NFYC: variants seen among roughly 807,000 people sequenced by gnomAD.
NFYC encodes nuclear transcription factor Y subunit gamma, also known as CAAT box DNA-binding protein subunit C.
A neutral mutation model predicts 53.1 loss-of-function variants in NFYC; 25 were observed. That is an observed-to-expected ratio of 0.47 (90% CI 0.34 to 0.66). The LOEUF (loss-of-function observed/expected upper bound fraction) is 0.66. NFYC is among the 30% of genes least tolerant of loss of function. The pLI is 0.01. For synonymous variants in NFYC, 145 were observed against 152.6 expected, an observed-to-expected ratio of 0.95 and a Z score of 0.37; for missense variants, 260 against 422.7, an observed-to-expected ratio of 0.62 and a Z score of 3.38.
At chr1:40,761,805 G>C (rs1200360411) in intron 6 of NFYC, among the ~76,000 whole-genome samples, 1 of 152,172 alleles carries the variant, frequency 6.6e-6, no homozygotes, top group African/African-American at 2.4e-5. Flanking sequence ...GATTCATTGA[G>C]AGTTCCATAG....
At chr1:40,732,078 G>T (rs1424038679) in intron 1 of NFYC, among the ~76,000 whole-genome samples, 1 of 152,320 alleles carries the variant, frequency 6.6e-6, no homozygotes, top group East Asian at 1.9e-4. Flanking sequence ...TCATTTTAGC[G>T]GAGCTTCCTG....
At chr1:40,758,349 G>T in intron 6 of NFYC, 55 bp downstream of exon 6, 1 of 1,525,578 alleles carries the variant, frequency 6.6e-7, no homozygotes, top group Non-Finnish European at 8.8e-7. Flanking sequence ...TTAGGTTTTT[G>T]GATGGGCAGA....
At chr1:40,711,985 A>G (rs372297072) in intron 1 of NFYC, among the ~76,000 whole-genome samples, 4 of 152,210 alleles carry the variant, frequency 2.6e-5, no homozygotes, top group African/African-American at 9.7e-5. Flanking sequence ...ACATGTAAAA[A>G]TGGAACCTAA....
At chr1:40,716,190 C>G (rs1644129446) in intron 1 of NFYC, among the ~76,000 whole-genome samples, 1 of 152,172 alleles carries the variant, frequency 6.6e-6, no homozygotes, top group Non-Finnish European at 1.5e-5. Flanking sequence ...AAATTTTACT[C>G]TGAGACTGAT....
At chr1:40,738,981 T>G (rs1425959810) in intron 2 of NFYC, 33 bp downstream of exon 2, 1 of 1,470,252 alleles carries the variant, frequency 6.8e-7, no homozygotes, top group Non-Finnish European at 9.5e-7. Flanking sequence ...TATTAGAAAC[T>G]TTTAAAGAGT....
intron 8 of NFYC, among the ~76,000 whole-genome samples, chr1:40,768,140 T>A (rs1646912098): frequency 6.6e-6 from 1 of 152,194 alleles, no homozygotes; most frequent in Admixed American, 6.5e-5. Flanking sequence ...TCAGTAAATG[T>A]TTGTTGAATG....
rs575158987 is a variant in NFYC, at chr1:40,728,852, G to T, written c.-8-9984G>T. On this transcript the variant is annotated intron_variant, in intron 1 of 9. Transcript: ENST00000447388. The stretch of plus-strand genomic sequence containing the variant: ...TGGGTTTCACTATGTTGGCCAGGCT[G>T]GTCTCGAACTCCTGACCTCAGGTTA... 1.8e-3 allele frequency among the ~76,000 whole-genome samples: 273 copies of T among 152,178 alleles called. 1 individual carries two copies. Among genetic ancestry groups the T allele is most frequent in the African/African-American group, 6.3e-3 (262 of 41,550 alleles).
At chr1:40,699,688 C>G (rs1347163658) in intron 1 of NFYC, among the ~76,000 whole-genome samples, 1 of 152,206 alleles carries the variant, frequency 6.6e-6, no homozygotes, top group East Asian at 1.9e-4. Flanking sequence ...GTGTAAAACT[C>G]TAACCATTTT....
intron 5 of NFYC, among the ~76,000 whole-genome samples, chr1:40,756,068 A>G (rs544546277): frequency 6.6e-6 from 1 of 152,280 alleles, no homozygotes; most frequent in East Asian, 1.9e-4. Context: ...ATTACCCAAG[A>G]GCTTTTCCAA....
chr1:40,755,223 A>C (rs1646145939), intron 5 of NFYC, among the ~76,000 whole-genome samples: 1 of 152,310 alleles, frequency 6.6e-6, no homozygotes, highest in South Asian at 2.1e-4. Flanking sequence ...CTAGGATGTG[A>C]TGCTGCTCTT....
intron 2 of NFYC, among the ~76,000 whole-genome samples, chr1:40,744,670 T>C (rs1005372682): frequency 1.3e-5 from 2 of 152,230 alleles, no homozygotes; most frequent in Non-Finnish European, 2.9e-5. Flanking sequence ...GATAATCTGC[T>C]CTTCTGCCTT....
chr1:40,766,707 T>G lies in NFYC; in HGVS notation c.828+4T>G. On this transcript the variant is annotated splice_donor_region_variant and intron_variant, in intron 8 of 9. Transcript: ENST00000447388. ...ACTTGCCACCAATGCTCAACAGGTA[T>G]GTGCCCCAGAGACACAAGGCCTGTG... The G allele has an allele frequency of 1.2e-6, 2 of 1,613,072 alleles. No individual in the cohort carries two copies. Among genetic ancestry groups the G allele is most frequent in the Non-Finnish European group, 1.7e-6 (2 of 1,179,058 alleles).
At chr1:40,741,712 C>T (rs1409936435) in intron 2 of NFYC, among the ~76,000 whole-genome samples, 1 of 151,626 alleles carries the variant, frequency 6.6e-6, no homozygotes, top group Non-Finnish European at 1.5e-5. Flanking sequence ...AAGCGATCCT[C>T]CCGCCTCAGC....
intron 1 of NFYC, chr1:40,735,244 C>T (rs1644968725): frequency 6.7e-6 from 1 of 150,338 alleles, no homozygotes; most frequent in Non-Finnish European, 1.5e-5. Context: ...ATATTATTGA[C>T]TTGTATTTTT....
intron 1 of NFYC, chr1:40,709,366 A>T (rs1307311549): frequency 2.0e-5 from 3 of 152,230 alleles, no homozygotes; most frequent in Admixed American, 1.3e-4. Context: ...GCAGGGCTTC[A>T]TTGGAGCCTC....
chr1:40,737,104 G>A (rs1645067399), intron 1 of NFYC, among the ~76,000 whole-genome samples: 1 of 142,092 alleles, frequency 7.0e-6, no homozygotes, highest in South Asian at 2.2e-4. Context: ...TCCAGTCTGG[G>A]CAACAAGAGC....
chr1:40,702,130 G>C (rs1643466338), intron 1 of NFYC, among the ~76,000 whole-genome samples: 2 of 152,008 alleles, frequency 1.3e-5, no homozygotes, highest in South Asian at 4.2e-4. Context: ...CCCATCTATT[G>C]GTCTTAATTT....
intron 1 of NFYC, among the ~76,000 whole-genome samples, chr1:40,706,177 G>A (rs900932783): frequency 1.3e-5 from 2 of 152,188 alleles, no homozygotes; most frequent in African/African-American, 2.4e-5. Context: ...GTGGTGCAGC[G>A]GAAAGAGTAC....
At chr1:40,695,095 C>T (rs963457498) in intron 1 of NFYC, among the ~76,000 whole-genome samples, 1 of 152,122 alleles carries the variant, frequency 6.6e-6, no homozygotes, top group Middle Eastern at 3.4e-3. Context: ...AAAAATTAGC[C>T]TGGCATGGTG....
Sources: gnomAD v4.1 joint callset for allele counts (sites outside exome capture counted in the v4.1 genomes callset) on GRCh38, gnomAD v4.1.1 for gene constraint, MANE v1.5 for transcripts, NCBI Gene and HGNC (gene_info 2026-07-23, HGNC 2026-07-21) for gene names.